Variants in KIF6 observed in about 807,000 individuals in gnomAD.
The protein encoded by KIF6 is kinesin-like protein KIF6.
A neutral mutation model predicts 112.7 loss-of-function variants in KIF6; 106 were observed. The observed-to-expected ratio is 0.94, with a 90% CI of 0.80 to 1.11. The LOEUF is 1.11. Ranked by LOEUF, KIF6 falls within the 50% of genes least tolerant of loss-of-function variation. The pLI, the probability that KIF6 is intolerant of heterozygous loss-of-function variation, is 0.00. For missense variants in KIF6, 929 were observed against 964.0 expected (o/e 0.96, Z 0.48); for synonymous variants, 339 against 339.9 (o/e 1.00, Z 0.03).
chr6:39,382,599 T>C (rs1356670462), intron 16 of KIF6, among the ~76,000 whole-genome samples: 1 of 152,226 alleles, frequency 6.6e-6, no homozygotes, highest in African/African-American at 2.4e-5. Context: ...ATGTCTTTGC[T>C]ATTGTGAATA....
intron 10 of KIF6, among the ~76,000 whole-genome samples, chr6:39,560,661 A>G (rs1413891625): frequency 6.6e-6 from 1 of 152,168 alleles, no homozygotes; most frequent in Admixed American, 6.5e-5. Flanking sequence ...TTTTGACTTT[A>G]TATTATAGAT....
intron 3 of KIF6, among the ~76,000 whole-genome samples, chr6:39,647,531 G>T (rs906394009): frequency 6.6e-6 from 1 of 152,044 alleles, no homozygotes; most frequent in African/African-American, 2.4e-5. Context: ...AAAAAAGAGT[G>T]CCTTTGTGTC....
intron 10 of KIF6, among the ~76,000 whole-genome samples, chr6:39,548,214 G>A (rs1779168451): frequency 6.6e-6 from 1 of 152,204 alleles, no homozygotes; most frequent in Admixed American, 6.5e-5. Context: ...TCTGAAGGAA[G>A]GCTGAAGTGG....
chr6:39,361,591 T>C (rs986660679), intron 17 of KIF6, among the ~76,000 whole-genome samples: 4 of 135,282 alleles, frequency 3.0e-5, no homozygotes, highest in African/African-American at 8.5e-5. Context: ...GCGGGGGGTG[T>C]TGGAAAGAAA....
At chr6:39,575,754 C>T (rs1023239005) in intron 10 of KIF6, among the ~76,000 whole-genome samples, 1 of 152,204 alleles carries the variant, frequency 6.6e-6, no homozygotes, top group African/African-American at 2.4e-5. Context: ...TACAACAGCT[C>T]TACCAAATGC....
chr6:39,497,145 C>T (rs968632615), intron 13 of KIF6, among the ~76,000 whole-genome samples: 12 of 152,334 alleles, frequency 7.9e-5, no homozygotes, highest in South Asian at 2.1e-4. Context: ...TTCGCAATTT[C>T]GGTAAGTTCT....
At chr6:39,516,507 G>C (rs114518435) in intron 13 of KIF6, among the ~76,000 whole-genome samples, 6,249 of 147,978 alleles carry the variant, frequency 0.042, 266 homozygotes, top group East Asian at 0.25. Flanking sequence ...TATTTTAAAA[G>C]TAATGTATAT....
intron 3 of KIF6, among the ~76,000 whole-genome samples, chr6:39,679,916 T>C (rs1238374950): frequency 6.6e-6 from 1 of 151,742 alleles, no homozygotes; most frequent in Non-Finnish European, 1.5e-5. Context: ...CATGCCTGGC[T>C]GGCAGGGTTT....
intron 5 of KIF6, among the ~76,000 whole-genome samples, chr6:39,633,221 G>A (rs1289778654): frequency 2.0e-5 from 3 of 151,848 alleles, no homozygotes; most frequent in Non-Finnish European, 4.4e-5. Flanking sequence ...AGTGTAGAGG[G>A]AGAAGAACAG....
intron 13 of KIF6, among the ~76,000 whole-genome samples, chr6:39,499,624 T>A (rs1461667106): frequency 1.3e-5 from 2 of 152,152 alleles, no homozygotes; most frequent in African/African-American, 4.8e-5. Context: ...CTGAGCATGC[T>A]ACCTGTCTTC....
chr6:39,681,103 CATAAA>C (rs756508260), intron 3 of KIF6, among the ~76,000 whole-genome samples: 17 of 151,984 alleles, frequency 1.1e-4, no homozygotes, highest in East Asian at 5.8e-4. Context: ...CAAATAAATA[CATAAA>C]ATAAAATAAA....
chr6:39,609,420 A>G (rs1277067522), intron 6 of KIF6, among the ~76,000 whole-genome samples: 3 of 152,156 alleles, frequency 2.0e-5, no homozygotes, highest in African/African-American at 7.2e-5. Flanking sequence ...TAACTACACC[A>G]GGTAATACCT....
chr6:39,372,490 C>A (rs1463783227), intron 16 of KIF6, among the ~76,000 whole-genome samples: 1 of 152,152 alleles, frequency 6.6e-6, no homozygotes, highest in Non-Finnish European at 1.5e-5. Context: ...CTTTTTACTA[C>A]CACTTCTATC....
chr6:39,575,641 T>C (rs961699550), intron 10 of KIF6, among the ~76,000 whole-genome samples: 2 of 152,168 alleles, frequency 1.3e-5, no homozygotes, highest in Non-Finnish European at 2.9e-5. Flanking sequence ...TCTTCAGAAC[T>C]TCTCTGGGCT....
intron 10 of KIF6, among the ~76,000 whole-genome samples, chr6:39,552,957 T>C (rs1400758558): frequency 6.6e-6 from 1 of 152,196 alleles, no homozygotes; most frequent in African/African-American, 2.4e-5. Context: ...GCTGAGATTG[T>C]GCCAATAGGA....
rs144954347 is a variant in KIF6 at position 39,369,223 on chromosome 6, G to A, written c.1862-6705C>T. Among the ~76,000 whole-genome samples, 185 of 152,266 alleles carry A rather than the reference G, an allele frequency of 1.2e-3. 1 individual carries two copies. Among genetic ancestry groups the A allele is most frequent in the African/African-American group, 4.2e-3 (173 of 41,556 alleles). On this transcript the variant is annotated intron_variant, in intron 16 of 22. Coordinates refer to ENST00000287152, the MANE Select transcript of KIF6 (RefSeq NM_145027.6). ...CTCAAATTTACTGTCAGCTGGAGCC[G>A]TCACATGCCGACGGGTGCTCAGTGC...
intron 15 of KIF6, among the ~76,000 whole-genome samples, chr6:39,419,718 C>T (rs1235294960): frequency 6.6e-6 from 1 of 152,166 alleles, no homozygotes; most frequent in Non-Finnish European, 1.5e-5. Context: ...GAGCTCAGGT[C>T]TGCCTGAGGA....
chr6:39,555,297 C>A (rs1486205026), intron 10 of KIF6, among the ~76,000 whole-genome samples: 1 of 152,166 alleles, frequency 6.6e-6, no homozygotes, highest in Non-Finnish European at 1.5e-5. Flanking sequence ...CCAAGGCAGC[C>A]CGGCCAGCCC....
At chr6:39,540,294 A>G in intron 12 of KIF6, 73 bp from the exon 13 acceptor site, 1 of 950,208 alleles carries the variant, frequency 1.1e-6, no homozygotes, top group East Asian at 2.4e-5. Flanking sequence ...CCTAAGTGTC[A>G]TTAATGTTCC....
Sources: allele counts gnomAD v4.1 joint callset (sites outside exome capture counted in the v4.1 genomes callset), GRCh38; gene constraint gnomAD v4.1.1; transcripts MANE v1.5; gene names NCBI Gene and HGNC (gene_info 2026-07-23, HGNC 2026-07-21).